ZNF69: variants seen among roughly 807,000 people sequenced by gnomAD.
ZNF69 encodes the protein ZNF3.
ZNF69 carries 47 observed loss-of-function variants against 50.9 expected under a neutral mutation model. That is an observed-to-expected ratio of 0.92 (90% CI 0.73 to 1.18). The LOEUF is 1.18. ZNF69 is among the 50% of genes most tolerant of loss of function. ZNF69 has a pLI of 0.00. For synonymous variants in ZNF69, 216 were observed against 223.1 expected (o/e 0.97, Z 0.29); for missense variants, 717 against 675.1 (o/e 1.06, Z -0.69).
At chr19:11,926,645 T>G in the ZNF69 span, 2 of 154,246 alleles carry the variant, frequency 1.3e-5, no homozygotes, top group African/African-American at 4.8e-5. Flanking sequence ...CACCTCAGCC[T>G]CCCAAAGTGC....
the ZNF69 span, among the ~76,000 whole-genome samples, chr19:11,942,382 G>A: frequency 2.6e-5 from 4 of 152,000 alleles, no homozygotes; most frequent in Admixed American, 6.6e-5. Flanking sequence ...ATAGGACTCC[G>A]TTATGACAGG....
chr19:11,909,484 T>C (rs1972426639), downstream of ZNF69, among the ~76,000 whole-genome samples: 1 of 152,224 alleles, frequency 6.6e-6, no homozygotes, highest in Admixed American at 6.5e-5. Context: ...TCAAGTTGGC[T>C]TCATCCCTGG....
At chr19:11,900,175 A>C (rs995274340) in intron 1 of ZNF69, among the ~76,000 whole-genome samples, 3 of 152,070 alleles carry the variant, frequency 2.0e-5, no homozygotes, top group Non-Finnish European at 4.4e-5. Context: ...GCTGGTCTCA[A>C]ACTTTTGACC....
the ZNF69 span, chr19:11,947,708 A>T: frequency 1.1e-6 from 1 of 944,532 alleles, no homozygotes; most frequent in South Asian, 1.6e-5. Flanking sequence ...TTCTCAAAAA[A>T]CATATATTTA....
the ZNF69 span, among the ~76,000 whole-genome samples, chr19:11,932,297 T>G: frequency 6.8e-6 from 1 of 147,196 alleles, no homozygotes; most frequent in Non-Finnish European, 1.5e-5. Flanking sequence ...TGAGCTATGA[T>G]TGCACCACTA....
At chr19:11,979,630 G>A in the ZNF69 span, 9 of 1,605,544 alleles carry the variant, frequency 5.6e-6, no homozygotes, top group African/African-American at 8.0e-5. Context: ...AACCCTATGA[G>A]TGTAAGCAAT....
At chr19:11,977,140 A>G in the ZNF69 span, 48 of 1,614,102 alleles carry the variant, frequency 3.0e-5, no homozygotes, top group Admixed American at 7.5e-4. Flanking sequence ...GATGCTGGAA[A>G]CTTTCAGGAA....
chr19:11,935,876 G>A, the ZNF69 span, among the ~76,000 whole-genome samples: 1 of 152,244 alleles, frequency 6.6e-6, no homozygotes, highest in Non-Finnish European at 1.5e-5. Context: ...GCCCCTGACA[G>A]GCCCCGGTGT....
At chr19:11,910,383 A>G (rs946542408), downstream of ZNF69, among the ~76,000 whole-genome samples, 14 of 152,198 alleles carry the variant, frequency 9.2e-5, no homozygotes, top group Non-Finnish European at 2.1e-4. Context: ...AAGCCAAAAG[A>G]ACAAAGCTCA....
chr19:11,935,308 C>T, the ZNF69 span, among the ~76,000 whole-genome samples: 1 of 135,324 alleles, frequency 7.4e-6, no homozygotes, highest in Non-Finnish European at 1.5e-5. Context: ...GTAATCTCGG[C>T]TCACTGCAAC....
At chr19:11,941,844 A>G in the ZNF69 span, among the ~76,000 whole-genome samples, 1 of 152,238 alleles carries the variant, frequency 6.6e-6, no homozygotes, top group African/African-American at 2.4e-5. Context: ...GACTGCCAGC[A>G]TGCTGTCACC....
Position 11,905,026 on chromosome 19 carries a change from A to G in ZNF69, c.629A>G (p.His210Arg), listed in dbSNP as rs1330331855. The G allele has an allele frequency of 6.2e-7, 1 of 1,614,064 alleles. No individual in the cohort carries two copies. The highest frequency in any genetic ancestry group is 1.3e-5 in the African/African-American group (1 of 74,934). ...ATTTCCCATTCAAGCATTCAAAGAC[A>G]CGTGGTAATGCACAGTGGGGATGGA... ...TFISHSSIQR[H>R]VVMHSGDGPY... Residue 210 changes from histidine to arginine, a missense_variant, in exon 4 of 4, where the codon CAC becomes CGC. Coordinates refer to ENST00000429654, the MANE Select transcript of ZNF69 (RefSeq NM_001364730.1).
At chr19:11,964,926 A>C in the ZNF69 span, 4 of 441,678 alleles carry the variant, frequency 9.1e-6, no homozygotes, top group Non-Finnish European at 1.7e-5. Context: ...CCTGATACCC[A>C]AGGCTTCCGC....
In ZNF69 at chr19:11,904,820, T is replaced by C. The variant is rs1972327389; in HGVS notation, c.423T>C (p.Phe141=). Residue 141 remains phenylalanine (F), a synonymous_variant, in exon 4 of 4, where the codon TTT becomes TTC. Coordinates refer to ENST00000429654, the MANE Select transcript of ZNF69 (RefSeq NM_001364730.1). ...CGEVGLGNSS[F]NMNIRGDIGH... ...AAGTTGGCCTAGGTAACTCATCTTT[T>C]AATATGAACATCAGAGGTGACATTG... 1.2e-6 allele frequency: 2 copies of C among 1,613,954 alleles called. No homozygotes were observed. Among genetic ancestry groups the C allele is most frequent in the Non-Finnish European group, 1.7e-6 (2 of 1,180,014 alleles).
chr19:11,963,322 T>C, the ZNF69 span, among the ~76,000 whole-genome samples: 14 of 152,328 alleles, frequency 9.2e-5, no homozygotes, highest in East Asian at 2.7e-3. Context: ...CTCCAACTTC[T>C]GTCTTCAAGT....
the ZNF69 span, chr19:11,950,438 G>T: frequency 2.8e-6 from 2 of 705,790 alleles, no homozygotes; most frequent in Non-Finnish European, 5.0e-6. Context: ...TCTTTTCAAT[G>T]TCATGAAAGG....
At chr19:11,894,791 A>G (rs1039704048) in intron 1 of ZNF69, among the ~76,000 whole-genome samples, 2 of 152,104 alleles carry the variant, frequency 1.3e-5, no homozygotes, top group African/African-American at 2.4e-5. Flanking sequence ...TTGGAGACAC[A>G]TGGCTGGTCA....
the ZNF69 span, among the ~76,000 whole-genome samples, chr19:11,930,959 A>G: frequency 6.9e-6 from 1 of 145,778 alleles, no homozygotes; most frequent in Non-Finnish European, 1.5e-5. Flanking sequence ...AGATTGCGCC[A>G]TTGCTCTCTA....
chr19:11,913,191 C>A (rs911959957), intron 4 of ZNF69, among the ~76,000 whole-genome samples: 1 of 150,246 alleles, frequency 6.7e-6, no homozygotes, highest in Non-Finnish European at 1.5e-5. Context: ...AGTGAGGCTC[C>A]GTTTCAAAAA....
Sources: allele counts gnomAD v4.1 joint callset (sites outside exome capture counted in the v4.1 genomes callset), GRCh38; gene constraint gnomAD v4.1.1; transcripts MANE v1.5; gene names NCBI Gene and HGNC (gene_info 2026-07-23, HGNC 2026-07-21).